The following FOXN3 variants were observed in gnomAD, a reference collection of about 807,000 sequenced individuals.
FOXN3 encodes the protein forkhead box N3, also known as forkhead box protein N3.
FOXN3 carries 7 observed loss-of-function variants against 38.4 expected under a neutral mutation model. The ratio of observed to expected loss-of-function variants is 0.18; its 90% CI spans 0.10 to 0.34. FOXN3 has a LOEUF of 0.34. FOXN3 is among the 10% of genes least tolerant of loss of function. FOXN3 has a pLI of 1.00. For missense variants in FOXN3, 456 were observed against 613.4 expected (o/e 0.74, Z 2.71); for synonymous variants, 230 against 242.2 (o/e 0.95, Z 0.47).
chr14:89,592,144 G>C (rs889731398), intron 1 of FOXN3, among the ~76,000 whole-genome samples: 6 of 152,112 alleles, frequency 3.9e-5, no homozygotes, highest in African/African-American at 1.2e-4. Context: ...TGAAATTAAA[G>C]TGATGGAAAT....
chr14:89,166,270 G>A (rs1887239336), intron 5 of FOXN3, among the ~76,000 whole-genome samples: 1 of 152,154 alleles, frequency 6.6e-6, no homozygotes, highest in South Asian at 2.1e-4. Context: ...GAGATTAGCA[G>A]CATTAAAGAG....
intron 1 of FOXN3, among the ~76,000 whole-genome samples, chr14:89,592,821 G>A (rs1208260917): frequency 6.6e-6 from 1 of 152,118 alleles, no homozygotes; most frequent in Non-Finnish European, 1.5e-5. Flanking sequence ...TAGGAGACAG[G>A]TGAAAAATAA....
intron 1 of FOXN3, among the ~76,000 whole-genome samples, chr14:89,586,221 A>G (rs1368158599): frequency 6.6e-6 from 1 of 152,230 alleles, no homozygotes. Context: ...ATGCATGGAC[A>G]GGCTTCAAAT....
intron 3 of FOXN3, among the ~76,000 whole-genome samples, chr14:89,308,514 GA>G (rs1887442719): frequency 6.6e-6 from 1 of 152,220 alleles, no homozygotes; most frequent in Admixed American, 6.5e-5. Context: ...TTCTGTGAAT[GA>G]AGATACCTGG....
intron 1 of FOXN3, among the ~76,000 whole-genome samples, chr14:89,527,493 T>C (rs1202269781): frequency 1.3e-5 from 2 of 152,190 alleles, no homozygotes; most frequent in African/African-American, 2.4e-5. Flanking sequence ...GAAGAACTTA[T>C]ATCTAGAATA....
At chr14:89,330,955 T>C (rs753021219) in intron 3 of FOXN3, among the ~76,000 whole-genome samples, 1 of 152,244 alleles carries the variant, frequency 6.6e-6, no homozygotes, top group Admixed American at 6.5e-5. Context: ...TGCTGGAATG[T>C]GAAATGAGGT....
At chr14:89,496,794 C>G (rs1230313593) in intron 1 of FOXN3, among the ~76,000 whole-genome samples, 1 of 152,174 alleles carries the variant, frequency 6.6e-6, no homozygotes, top group Non-Finnish European at 1.5e-5. Context: ...CTCCATTCCC[C>G]CGACCCCAGC....
rs375324760 is a variant in FOXN3, at chr14:89,271,257, A to T, written c.745+9693T>A. Among the ~76,000 whole-genome samples the T allele has an allele frequency of 3.9e-5, 6 of 152,370 alleles. No homozygotes were observed. The East Asian group carries it at 1.2e-3, about 29-fold the overall frequency. On this transcript the variant is annotated intron_variant, in intron 4 of 5. Coordinates refer to ENST00000557258, the MANE Select transcript of FOXN3 (RefSeq NM_005197.4). ...ATATTCTAAAGAGTTATTCTTCCTC[A>T]TTAAAATCTCTTGGCAATTGTATAA... is the stretch of plus-strand genomic sequence containing the variant.
At chr14:89,249,968 C>T (rs1157523865) in intron 4 of FOXN3, among the ~76,000 whole-genome samples, 1 of 152,200 alleles carries the variant, frequency 6.6e-6, no homozygotes, top group Non-Finnish European at 1.5e-5. Flanking sequence ...AGTTGACATG[C>T]TACCTGTGGG....
intron 4 of FOXN3, among the ~76,000 whole-genome samples, chr14:89,260,737 G>A (rs2139891232): frequency 6.6e-6 from 1 of 152,352 alleles, no homozygotes; most frequent in South Asian, 2.1e-4. Flanking sequence ...CAGCCCAAGT[G>A]TCGGAATCAC....
chr14:89,465,031 T>C (rs754033635), intron 1 of FOXN3, among the ~76,000 whole-genome samples: 13 of 151,938 alleles, frequency 8.6e-5, no homozygotes, highest in Admixed American at 6.6e-4. Context: ...GAGTGAGTTC[T>C]CCAGAGATCT....
upstream of FOXN3, among the ~76,000 whole-genome samples, chr14:89,419,983 T>A (rs907998862): frequency 2.6e-5 from 4 of 152,030 alleles, no homozygotes; most frequent in African/African-American, 9.7e-5. Context: ...TGGGGAGGGA[T>A]CCTGCAAAGA....
At chr14:89,230,683 C>A in intron 4 of FOXN3, 1 of 234,858 alleles carries the variant, frequency 4.3e-6, no homozygotes, top group East Asian at 9.4e-5. Flanking sequence ...TGTCTGTTTC[C>A]TTCACTGATG....
At chr14:89,185,646 G>A (rs1027827661) in intron 4 of FOXN3, 1 of 152,200 alleles carries the variant, frequency 6.6e-6, no homozygotes, top group African/African-American at 2.4e-5. Flanking sequence ...CAAGGCCCAG[G>A]CCTCTAGCAT....
intron 1 of FOXN3, among the ~76,000 whole-genome samples, chr14:89,427,614 G>A (rs1411270315): frequency 1.3e-5 from 2 of 151,518 alleles, no homozygotes; most frequent in Non-Finnish European, 2.9e-5. Context: ...CACCGTGCCC[G>A]GCCAGGACTT....
intron 1 of FOXN3, among the ~76,000 whole-genome samples, chr14:89,530,874 T>G (rs1389799774): frequency 6.7e-6 from 1 of 150,234 alleles, no homozygotes; most frequent in Non-Finnish European, 1.5e-5. Flanking sequence ...CCTCCCAAAG[T>G]GCTGGGATTA....
chr14:89,387,721 G>A (rs374277837), intron 2 of FOXN3, among the ~76,000 whole-genome samples: 6 of 152,192 alleles, frequency 3.9e-5, no homozygotes, highest in African/African-American at 1.2e-4. Flanking sequence ...GGCTTTAAAC[G>A]GAGCCCTTAG....
At chr14:89,599,657 C>T (rs996335024) in intron 1 of FOXN3, among the ~76,000 whole-genome samples, 1 of 151,958 alleles carries the variant, frequency 6.6e-6, no homozygotes, top group Non-Finnish European at 1.5e-5. Flanking sequence ...ACAGTGATAA[C>T]CTGAGTTTCT....
intron 3 of FOXN3, among the ~76,000 whole-genome samples, chr14:89,307,071 G>A (rs1327804047): frequency 1.3e-5 from 2 of 152,076 alleles, no homozygotes; most frequent in African/African-American, 4.8e-5. Context: ...CTTTAAACGC[G>A]ACCAAAACAA....
Sources: gnomAD v4.1 joint callset for allele counts (sites outside exome capture counted in the v4.1 genomes callset) on GRCh38, gnomAD v4.1.1 for gene constraint, MANE v1.5 for transcripts, NCBI Gene and HGNC (gene_info 2026-07-23, HGNC 2026-07-21) for gene names.